FRMPD4: variants seen among roughly 807,000 people sequenced by gnomAD.
FRMPD4 encodes the protein FERM and PDZ domain containing 4.
In FRMPD4, 22 loss-of-function variants were observed where a neutral mutation model predicts 94.1. The ratio of observed to expected loss-of-function variants is 0.23; its 90% CI spans 0.17 to 0.33. FRMPD4 has a LOEUF of 0.33. Ranked by LOEUF, FRMPD4 falls within the 10% of genes least tolerant of loss-of-function variation. The probability of loss-of-function intolerance (pLI) is 1.00; values close to 1 mark genes in which losing one functional copy is unlikely to be tolerated. For synonymous variants in FRMPD4, 631 were observed against 548.6 expected (o/e 1.15, Z -2.10); for missense variants, 1,111 against 1,339.9 (o/e 0.83, Z 2.67).
chrX:12,321,450 A>C (rs768647336), intron 1 of FRMPD4, among the ~76,000 whole-genome samples: 1 of 112,118 alleles, frequency 8.9e-6, no homozygotes, highest in Non-Finnish European at 1.9e-5. Flanking sequence ...TATTCAATAA[A>C]TTACATGAGA....
At chrX:12,563,297 C>G (rs1385437245) in intron 2 of FRMPD4, among the ~76,000 whole-genome samples, 1 of 110,737 alleles carries the variant, frequency 9.0e-6, no homozygotes, top group Non-Finnish European at 1.9e-5. Context: ...GAATCAGAGA[C>G]AGACTGCTCA....
chrX:12,626,494 A>G (rs1449251464), intron 4 of FRMPD4, among the ~76,000 whole-genome samples: 1 of 106,233 alleles, frequency 9.4e-6, no homozygotes, highest in Non-Finnish European at 1.9e-5. Flanking sequence ...CAGAAACCCT[A>G]CAAACCAGGA....
intron 3 of FRMPD4, among the ~76,000 whole-genome samples, chrX:11,943,380 CT>C (rs199684587): frequency 1.4e-3 from 155 of 109,705 alleles, no homozygotes; most frequent in African/African-American, 4.4e-3. Flanking sequence ...TTTTTATTTA[CT>C]TTTTTTTTAA....
chrX:12,610,638 C>T (rs1474366237), intron 3 of FRMPD4, among the ~76,000 whole-genome samples: 1 of 110,249 alleles, frequency 9.1e-6, no homozygotes, highest in Non-Finnish European at 1.9e-5. Flanking sequence ...GTCCCAGCTA[C>T]TCGGGAGACT....
At chrX:12,344,002 T>A (rs140912672) in intron 1 of FRMPD4, among the ~76,000 whole-genome samples, 74 of 112,338 alleles carry the variant, frequency 6.6e-4, no homozygotes, top group African/African-American at 2.4e-3. Context: ...AATTTGGAAT[T>A]GGAAAAGGTA....
chrX:12,421,795 G>C (rs1447170062), intron 1 of FRMPD4, among the ~76,000 whole-genome samples: 3 of 107,293 alleles, frequency 2.8e-5, no homozygotes, highest in Non-Finnish European at 3.8e-5. Context: ...AGCTGGGGGG[G>C]CAGGGGCTGA....
chrX:12,001,319 C>A (rs985042557), intron 3 of FRMPD4, among the ~76,000 whole-genome samples: 2 of 112,201 alleles, frequency 1.8e-5, no homozygotes, highest in Non-Finnish European at 3.8e-5. Context: ...CAAGGTGGAT[C>A]ATGTGAAATT....
At chrX:12,096,118 T>C (rs2055198790) in intron 3 of FRMPD4, among the ~76,000 whole-genome samples, 1 of 112,703 alleles carries the variant, frequency 8.9e-6, no homozygotes, top group African/African-American at 3.2e-5. Flanking sequence ...TTATTGAAGG[T>C]TACCGAATGA....
chrX:12,037,215 A>T (rs1374901301), intron 3 of FRMPD4, among the ~76,000 whole-genome samples: 1 of 111,936 alleles, frequency 8.9e-6, no homozygotes, highest in Non-Finnish European at 1.9e-5. Flanking sequence ...GAATGAGAAC[A>T]TGAGGAGACC....
chrX:12,270,693 A>T (rs996952870), intron 1 of FRMPD4, among the ~76,000 whole-genome samples: 2 of 112,046 alleles, frequency 1.8e-5, no homozygotes, highest in East Asian at 5.5e-4. Context: ...TAACAGTTAC[A>T]AACTAGTCAA....
At chrX:11,835,559 T>C (rs1208927658) in intron 1 of FRMPD4, among the ~76,000 whole-genome samples, 2 of 112,148 alleles carry the variant, frequency 1.8e-5, no homozygotes, top group African/African-American at 6.5e-5. Context: ...AGGGGTACTA[T>C]AGGGTCAAGT....
chrX:11,887,189 G>A (rs1357601960), intron 3 of FRMPD4, among the ~76,000 whole-genome samples: 1 of 112,323 alleles, frequency 8.9e-6, no homozygotes, highest in Non-Finnish European at 1.9e-5. Context: ...AGTGGGTTGA[G>A]TTAACCCTTC....
At chrX:12,322,330 A>G (rs2055219385) in intron 1 of FRMPD4, among the ~76,000 whole-genome samples, 1 of 111,401 alleles carries the variant, frequency 9.0e-6, no homozygotes, top group Non-Finnish European at 1.9e-5. Context: ...TCTCCCAACA[A>G]GGAAATAAGT....
Position 12,722,298 on chromosome X carries a change from G to A in FRMPD4, c.*440G>A, listed in dbSNP as rs2042255719. 1 of 112,020 alleles carries A rather than the reference G, an allele frequency of 8.9e-6. No individual in the cohort carries two copies. Among genetic ancestry groups the A allele is most frequent in the South Asian group, 3.7e-4 (1 of 2,721 alleles). 9.2% of individuals were successfully genotyped at this position (112,020 alleles called of 1,213,427 possible). On this transcript the variant is annotated 3_prime_UTR_variant, in exon 17 of 17. Coordinates refer to ENST00000675598, the MANE Select transcript of FRMPD4 (RefSeq NM_001368397.1). Reference sequence around the variant, plus strand: ...ACAATGTATATAAAACAGTACTTATGTTTTAAAATTATGATTTTTAAGCAT... The same window carrying A: ...ACAATGTATATAAAACAGTACTTATATTTTAAAATTATGATTTTTAAGCAT...
chrX:12,002,664 A>C (rs142139169), intron 3 of FRMPD4, among the ~76,000 whole-genome samples: 101 of 111,993 alleles, frequency 9.0e-4, no homozygotes, highest in African/African-American at 3.1e-3. Context: ...TGTTTGTTGA[A>C]TGCATGAAGA....
chrX:12,515,614 A>G (rs1178694044), intron 2 of FRMPD4, among the ~76,000 whole-genome samples: 1 of 111,633 alleles, frequency 9.0e-6, no homozygotes, highest in African/African-American at 3.3e-5. Flanking sequence ...CCTTTATGTG[A>G]TCTATTTTAG....
intron 4 of FRMPD4, among the ~76,000 whole-genome samples, chrX:12,623,203 AAAGGAAGGAAGGAAGGAAGG>A (rs1156582817): frequency 1.5e-3 from 10 of 6,614 alleles, no homozygotes; most frequent in African/African-American, 3.5e-3. Context: ...AGAAAGAAAG[AAAGGAAGGAAGGAAGGAAGG>A]AAGGAAGGAA....
At chrX:12,520,305 A>G (rs955090639) in intron 2 of FRMPD4, among the ~76,000 whole-genome samples, 2 of 112,158 alleles carry the variant, frequency 1.8e-5, no homozygotes, top group Admixed American at 9.4e-5. Context: ...TTCCACTCAT[A>G]TGAGGTATCT....
intron 4 of FRMPD4, among the ~76,000 whole-genome samples, chrX:12,654,275 T>C (rs1200031513): frequency 9.0e-6 from 1 of 111,728 alleles, no homozygotes; most frequent in African/African-American, 3.3e-5. Context: ...AACAGCAACC[T>C]CTTCGGCCTA....
Sources: allele counts gnomAD v4.1 joint callset (sites outside exome capture counted in the v4.1 genomes callset), GRCh38; gene constraint gnomAD v4.1.1; transcripts MANE v1.5; gene names NCBI Gene and HGNC (gene_info 2026-07-23, HGNC 2026-07-21).